Variants in TRMT9B observed in about 807,000 individuals in gnomAD.
TRMT9B encodes the protein tRNA methyltransferase 9B (putative).
TRMT9B carries 16 observed loss-of-function variants against 11.5 expected under a neutral mutation model. The ratio of observed to expected loss-of-function variants is 1.39; its 90% CI spans 0.94 to 2.11. TRMT9B has a LOEUF of 2.11. Ranked by LOEUF, TRMT9B falls within the 30% of genes most tolerant of loss-of-function variation. The pLI is 0.00. For missense variants in TRMT9B, 941 were observed against 553.8 expected, an observed-to-expected ratio of 1.70 and a Z score of -7.02; for synonymous variants, 274 against 192.4, an observed-to-expected ratio of 1.42 and a Z score of -3.51.
chr8:12,955,963 A>T (rs920595066), intron 1 of TRMT9B, among the ~76,000 whole-genome samples: 1 of 152,212 alleles, frequency 6.6e-6, no homozygotes, highest in Non-Finnish European at 1.5e-5. Context: ...GCTGTGTTCC[A>T]TTGATCAGAG....
intron 1 of TRMT9B, chr8:12,951,805 C>G (rs950967926): frequency 6.6e-6 from 1 of 151,864 alleles, no homozygotes; most frequent in Non-Finnish European, 1.5e-5. Flanking sequence ...CTGCGCTTCC[C>G]GCGCGGGGCG....
At chr8:13,004,407 CT>C (rs1244283504) in intron 2 of TRMT9B, among the ~76,000 whole-genome samples, 1 of 151,608 alleles carries the variant, frequency 6.6e-6, no homozygotes, top group African/African-American at 2.4e-5. Flanking sequence ...CAAAAGAGCC[CT>C]TCCTTCTGCT....
intron 1 of TRMT9B, among the ~76,000 whole-genome samples, chr8:12,982,812 C>G (rs1350998322): frequency 6.6e-6 from 1 of 152,182 alleles, no homozygotes; most frequent in Non-Finnish European, 1.5e-5. Flanking sequence ...TCACGCCTGA[C>G]TTCATGTGAC....
intron 4 of TRMT9B, among the ~76,000 whole-genome samples, chr8:13,020,193 T>C (rs1290146257): frequency 6.6e-6 from 1 of 152,208 alleles, no homozygotes; most frequent in African/African-American, 2.4e-5. Flanking sequence ...CCAATTTTGC[T>C]TGAGATTAAT....
rs978277444 is a variant in TRMT9B at position 13,022,786 on chromosome 8, G to C, written c.*742G>C. 5.4e-5 allele frequency: 9 copies of C among 166,114 alleles called. No individual in the cohort carries two copies. The allele number at this position is 166,114 out of a possible 1,614,324, so 10.3% of individuals were successfully genotyped here. A position where few individuals can be genotyped will look rare whatever the true frequency, so the allele number is the denominator to read the frequency against. ...GCAGAAGGATCACTTGAACCCAGGA[G>C]TTCAAGAATAGCCTGGGCAACATAG... On this transcript the variant is annotated 3_prime_UTR_variant, in exon 5 of 5. Transcript: ENST00000524591.
chr8:12,978,377 G>C (rs2128871769), intron 1 of TRMT9B, among the ~76,000 whole-genome samples: 1 of 152,190 alleles, frequency 6.6e-6, no homozygotes, highest in Non-Finnish European at 1.5e-5. Flanking sequence ...ATTGCAACCT[G>C]GCAACATATT....
At chr8:13,009,775 C>G (rs1398085822) in intron 3 of TRMT9B, among the ~76,000 whole-genome samples, 1 of 152,108 alleles carries the variant, frequency 6.6e-6, no homozygotes, top group Non-Finnish European at 1.5e-5. Context: ...GCATTCTATG[C>G]TAATAGTGCC....
intron 1 of TRMT9B, among the ~76,000 whole-genome samples, chr8:12,969,770 C>T (rs1473974439): frequency 6.6e-6 from 1 of 151,764 alleles, no homozygotes; most frequent in Non-Finnish European, 1.5e-5. Context: ...TGCCTGGGCT[C>T]CAGGAATCCT....
intron 1 of TRMT9B, chr8:12,960,538 C>G (rs965894640): frequency 3.3e-5 from 5 of 152,116 alleles, no homozygotes; most frequent in African/African-American, 1.2e-4. Context: ...TCCTAATTGC[C>G]AAAAACTGGA....
At chr8:12,949,510 T>G (rs971078205) in intron 1 of TRMT9B, among the ~76,000 whole-genome samples, 7 of 152,158 alleles carry the variant, frequency 4.6e-5, no homozygotes, top group Non-Finnish European at 8.8e-5. Context: ...CCCACAACCA[T>G]TACCCAAATT....
rs1278432320 is a variant in TRMT9B, at chr8:13,025,928, C to G, written c.*3884C>G. 1.2e-5 allele frequency: 2 copies of G among 166,676 alleles called. No individual in the cohort carries two copies. The highest frequency in any genetic ancestry group is 1.3e-4 in the Admixed American group (2 of 15,248). The allele number at this position is 166,676 out of a possible 1,614,324, so 10.3% of individuals were successfully genotyped here. ...ATTTGGAGTAATCCAGAGAAAAAAC[C>G]ATCCAAATATAAACCAGCTAGGAAC... is the stretch of plus-strand genomic sequence containing the variant. On this transcript the variant is annotated 3_prime_UTR_variant, in exon 5 of 5. Transcript: ENST00000524591.
intron 2 of TRMT9B, among the ~76,000 whole-genome samples, chr8:13,003,317 C>G (rs13270954): frequency 0.33 from 49,736 of 151,974 alleles, 9,355 homozygotes; most frequent in Middle Eastern, 0.54. Flanking sequence ...TGGGATACCA[C>G]TCACTCACAT....
At chr8:12,947,166 T>C (rs1197209607) in intron 1 of TRMT9B, among the ~76,000 whole-genome samples, 2 of 152,178 alleles carry the variant, frequency 1.3e-5, no homozygotes, top group African/African-American at 2.4e-5. Flanking sequence ...TTAAAACCAA[T>C]GAGGCCATAA....
At chr8:13,017,216 A>C (rs1487606118) in intron 4 of TRMT9B, among the ~76,000 whole-genome samples, 1 of 152,134 alleles carries the variant, frequency 6.6e-6, no homozygotes, top group Admixed American at 6.5e-5. Context: ...CTGAATGCTG[A>C]AGTTTAGAGA....
chr8:13,022,079 A>C lies in TRMT9B; in HGVS notation c.*35A>C. On this transcript the variant is annotated 3_prime_UTR_variant, in exon 5 of 5. Coordinates refer to ENST00000524591, the MANE Select transcript of TRMT9B (RefSeq NM_020844.3). Reference sequence around the variant, plus strand: ...TTTAGACAACTCCTCCAAAAGATGAACCACATTCTTTCCTCTTGGTTTGAT... The same window carrying C: ...TTTAGACAACTCCTCCAAAAGATGACCCACATTCTTTCCTCTTGGTTTGAT... The C allele has an allele frequency of 7.0e-7, 1 of 1,434,910 alleles. No individual in the cohort carries two copies. The highest frequency in any genetic ancestry group is 9.4e-7 in the Non-Finnish European group (1 of 1,062,624). The allele number at this position is 1,434,910 out of a possible 1,614,324, so 88.9% of individuals were successfully genotyped here.
chr8:13,010,520 T>C, intron 3 of TRMT9B: 3 of 983,870 alleles, frequency 3.0e-6, no homozygotes, highest in Non-Finnish European at 2.4e-6. Flanking sequence ...TCTTTTATTG[T>C]TCACATTCAA....
chr8:12,952,328 C>A (rs975373343), intron 1 of TRMT9B: 15 of 332,124 alleles, frequency 4.5e-5, no homozygotes, highest in South Asian at 3.1e-4. Flanking sequence ...AGCGCGTGCC[C>A]CGGAGCCCGC....
At position 13,027,124 on chromosome 8, in the gene TRMT9B, A is replaced by C. The variant is rs186746347; in HGVS notation, c.*5080A>C. ...TGAGGACTATTCAGATATTTCATTC[A>C]CTCCATTTGTTTACTAAGCCCTGCT... is the stretch of plus-strand genomic sequence containing the variant. On this transcript the variant is annotated 3_prime_UTR_variant, in exon 5 of 5. Coordinates refer to ENST00000524591, the MANE Select transcript of TRMT9B (RefSeq NM_020844.3). 1 of 166,980 alleles carries C rather than the reference A, an allele frequency of 6.0e-6. No homozygotes were observed. Among genetic ancestry groups the C allele is most frequent in the Non-Finnish European group, 1.5e-5 (1 of 68,066 alleles). 10.3% of individuals were successfully genotyped at this position (166,980 alleles called of 1,614,324 possible). A position where few individuals can be genotyped will look rare whatever the true frequency, so the allele number is the denominator to read the frequency against.
At chr8:12,968,401 A>T (rs2128867006) in intron 1 of TRMT9B, among the ~76,000 whole-genome samples, 1 of 152,274 alleles carries the variant, frequency 6.6e-6, no homozygotes, top group African/African-American at 2.4e-5. Context: ...CTGTAAAAGG[A>T]GACTTTTCCT....
Sources: gnomAD v4.1 joint callset for allele counts (sites outside exome capture counted in the v4.1 genomes callset) on GRCh38, gnomAD v4.1.1 for gene constraint, MANE v1.5 for transcripts, NCBI Gene and HGNC (gene_info 2026-07-23, HGNC 2026-07-21) for gene names.